Variants in SYT9 observed in about 807,000 individuals in gnomAD.
SYT9 encodes the protein synaptotagmin 9, also known as synaptotagmin-9.
In SYT9, 22 loss-of-function variants were observed where a neutral mutation model predicts 48.4. That is an observed-to-expected ratio of 0.45 (90% CI 0.32 to 0.65). SYT9 has a LOEUF of 0.65. SYT9 is among the 30% of genes least tolerant of loss of function. The pLI is 0.03. For synonymous variants in SYT9, 265 were observed against 245.0 expected (o/e 1.08, Z -0.76); for missense variants, 577 against 622.0 (o/e 0.93, Z 0.77).
intron 3 of SYT9, among the ~76,000 whole-genome samples, chr11:7,349,463 G>A (rs920257494): frequency 5.3e-5 from 8 of 150,988 alleles, no homozygotes; most frequent in East Asian, 1.9e-4. Flanking sequence ...AGAGAAAGGC[G>A]CAGGCCCAAA....
intron 1 of SYT9, among the ~76,000 whole-genome samples, chr11:7,287,464 T>A (rs1335672424): frequency 6.6e-6 from 1 of 152,192 alleles, no homozygotes; most frequent in Non-Finnish European, 1.5e-5. Flanking sequence ...AGTCCTTGAG[T>A]GAAAAGTTCA....
At chr11:7,400,888 T>C (rs1305202031) in intron 3 of SYT9, among the ~76,000 whole-genome samples, 1 of 152,138 alleles carries the variant, frequency 6.6e-6, no homozygotes, top group South Asian at 2.1e-4. Context: ...ATAATGTAGG[T>C]GGAGACTGAA....
At chr11:7,357,722 C>T (rs986193611) in intron 3 of SYT9, among the ~76,000 whole-genome samples, 2 of 152,134 alleles carry the variant, frequency 1.3e-5, no homozygotes, top group Non-Finnish European at 2.9e-5. Context: ...ACTTTCCTCT[C>T]CTCCCTCTTA....
intron 6 of SYT9, among the ~76,000 whole-genome samples, chr11:7,453,189 T>TA (rs1450067180): frequency 6.6e-6 from 1 of 152,094 alleles, no homozygotes; most frequent in Non-Finnish European, 1.5e-5. Flanking sequence ...TCAGGAGTTC[T>TA]AGACCAGCCT....
At chr11:7,296,554 C>T (rs1449887476) in intron 1 of SYT9, among the ~76,000 whole-genome samples, 4 of 152,310 alleles carry the variant, frequency 2.6e-5, no homozygotes, top group South Asian at 2.1e-4. Context: ...TCTCCTCCTT[C>T]CTCTCCTCTT....
intron 1 of SYT9, among the ~76,000 whole-genome samples, chr11:7,298,182 T>C (rs1016943020): frequency 1.1e-4 from 16 of 152,196 alleles, no homozygotes; most frequent in Non-Finnish European, 1.9e-4. Flanking sequence ...TATCTTTCAT[T>C]TAAATTTCCC....
intron 3 of SYT9, among the ~76,000 whole-genome samples, chr11:7,368,455 C>T (rs1353322142): frequency 6.6e-6 from 1 of 152,068 alleles, no homozygotes; most frequent in African/African-American, 2.4e-5. Flanking sequence ...TCTGTCAACC[C>T]ATCATCTAGG....
At chr11:7,431,213 T>C (rs74563453) in intron 6 of SYT9, among the ~76,000 whole-genome samples, 3,701 of 152,338 alleles carry the variant, frequency 0.024, 176 homozygotes, top group African/African-American at 0.085. Context: ...ATCTTTGTTA[T>C]GCTTTAGCAA....
chr11:7,314,690 A>G (rs539447523), intron 3 of SYT9, among the ~76,000 whole-genome samples: 1 of 152,322 alleles, frequency 6.6e-6, no homozygotes, highest in Admixed American at 6.5e-5. Context: ...GCATTCCAGA[A>G]ATAGAAAGGA....
intron 2 of SYT9, among the ~76,000 whole-genome samples, chr11:7,304,698 A>G (rs187055221): frequency 1.7e-3 from 265 of 152,326 alleles, no homozygotes; most frequent in African/African-American, 5.7e-3. Flanking sequence ...GGAGATGGGT[A>G]GTTGTCTGCC....
intron 1 of SYT9, among the ~76,000 whole-genome samples, chr11:7,301,439 A>C (rs1349566705): frequency 1.3e-5 from 2 of 152,220 alleles, no homozygotes; most frequent in Non-Finnish European, 2.9e-5. Context: ...CTCAGTAGGT[A>C]AGTGACTTGC....
intron 6 of SYT9, among the ~76,000 whole-genome samples, chr11:7,462,734 AC>A (rs1327239512): frequency 6.6e-6 from 1 of 152,374 alleles, no homozygotes; most frequent in South Asian, 2.1e-4. Context: ...AATATTAAGT[AC>A]ATAATAAGAT....
At chr11:7,465,625 C>G (rs72848021) in intron 6 of SYT9, 1 of 152,328 alleles carries the variant, frequency 6.6e-6, no homozygotes, top group Admixed American at 6.5e-5. Flanking sequence ...CTTCACATCT[C>G]GGAAACAAGG....
chr11:7,249,893 T>C (rs1178643773), upstream of SYT9, among the ~76,000 whole-genome samples: 1 of 152,242 alleles, frequency 6.6e-6, no homozygotes, highest in Non-Finnish European at 1.5e-5. Flanking sequence ...CTTTAAACTA[T>C]ATTTGAAAGT....
At position 7,252,838 on chromosome 11, in the gene SYT9, G is replaced by A. The variant is rs1034511986; in HGVS notation, c.145+507G>A. On this transcript the variant is annotated intron_variant, in intron 1 of 6. Coordinates refer to ENST00000318881, the MANE Select transcript of SYT9 (RefSeq NM_175733.4). The surrounding 1 kb of genome is among the most constrained non-coding windows in gnomAD (Gnocchi z 6.3). ...CCTTTCCTTGGTATGGGGTGAGAAG[G>A]GCGGGACGCGATCCGGCGTTGGGCC... Among the ~76,000 whole-genome samples the A allele has an allele frequency of 6.6e-6, 1 of 152,210 alleles. No homozygotes were observed. The highest frequency in any genetic ancestry group is 1.5e-5 in the Non-Finnish European group (1 of 68,042).
intron 1 of SYT9, among the ~76,000 whole-genome samples, chr11:7,274,967 G>C (rs1291352754): frequency 6.6e-6 from 1 of 151,608 alleles, no homozygotes; most frequent in East Asian, 1.9e-4. Flanking sequence ...ACAGATTTTG[G>C]GAGAGCTTCC....
At chr11:7,438,740 C>T (rs893716930) in intron 6 of SYT9, 1 of 152,306 alleles carries the variant, frequency 6.6e-6, no homozygotes, top group Non-Finnish European at 1.5e-5. Context: ...TGGAACAACA[C>T]ATCCCCTCCC....
At chr11:7,416,224 GT>G in intron 4 of SYT9, 62 bp downstream of exon 4, 1 of 1,594,032 alleles carries the variant, frequency 6.3e-7, no homozygotes, top group Non-Finnish European at 8.6e-7. Flanking sequence ...ACCTTATAAA[GT>G]TTTAGTATGG....
At chr11:7,275,814 C>G (rs115833072) in intron 1 of SYT9, among the ~76,000 whole-genome samples, 227 of 152,272 alleles carry the variant, frequency 1.5e-3, no homozygotes, top group African/African-American at 5.2e-3. Flanking sequence ...TCACAGGCCC[C>G]GCGTGGCTCA....
Sources: allele counts gnomAD v4.1 joint callset (sites outside exome capture counted in the v4.1 genomes callset), GRCh38; gene constraint gnomAD v4.1.1; non-coding constraint Gnocchi (gnomAD v3.1); transcripts MANE v1.5; gene names NCBI Gene and HGNC (gene_info 2026-07-23, HGNC 2026-07-21).